Variants in SLC7A14 observed in about 807,000 individuals in gnomAD.
SLC7A14 encodes the protein solute carrier family 7 member 14.
In SLC7A14, 37 loss-of-function variants were observed where a neutral mutation model predicts 60.2. That is an observed-to-expected ratio of 0.61 (90% CI 0.47 to 0.81). The LOEUF is 0.81. Among genes scored for constraint, SLC7A14 ranks in the 30% least tolerant of loss-of-function variants. SLC7A14 has a pLI of 0.00. For missense variants in SLC7A14, 886 were observed against 982.7 expected, an observed-to-expected ratio of 0.90 and a Z score of 1.32; for synonymous variants, 399 against 395.8, an observed-to-expected ratio of 1.01 and a Z score of -0.10.
chr3:170,581,749 T>C (rs940041233), intron 1 of SLC7A14, among the ~76,000 whole-genome samples: 4 of 152,196 alleles, frequency 2.6e-5, no homozygotes, highest in African/African-American at 9.6e-5. Flanking sequence ...ACCTACACTT[T>C]GAGTTTTACA....
rs1001372603 is a variant in SLC7A14 at position 170,495,794 on chromosome 3, G to T, written c.759+2873C>A. 25 of 1,140,852 alleles carry T rather than the reference G, an allele frequency of 2.2e-5. No individual in the cohort carries two copies. The African/African-American group carries it at 3.8e-4, about 17-fold the overall frequency. The allele number at this position is 1,140,852 out of a possible 1,614,324, so 70.7% of individuals were successfully genotyped here. On this transcript the variant is annotated intron_variant, in intron 4 of 7. Coordinates refer to ENST00000231706, the MANE Select transcript of SLC7A14 (RefSeq NM_020949.3). ...GGTTCCTGCAGCAGTAGAACAAGAT[G>T]CTGGAGACCAAGTGGAGCCTCCTGC...
intron 4 of SLC7A14, among the ~76,000 whole-genome samples, chr3:170,496,902 T>A (rs1712416671): frequency 1.3e-5 from 2 of 152,050 alleles, no homozygotes; most frequent in South Asian, 2.1e-4. Context: ...CGGCAGTCCC[T>A]CCCAGCCTGC....
chr3:170,482,735 CA>C (rs1711874286), intron 6 of SLC7A14, among the ~76,000 whole-genome samples: 1 of 152,318 alleles, frequency 6.6e-6, no homozygotes, highest in Admixed American at 6.5e-5. Context: ...AATTTTGTTT[CA>C]CCTCTCTGAG....
At position 170,480,651 on chromosome 3, in the gene SLC7A14, A is replaced by T; in HGVS notation, c.1631T>A (p.Met544Lys). The T allele has an allele frequency of 6.2e-7, 1 of 1,614,252 alleles. No homozygotes were observed. Residue 544 changes from methionine (M) to lysine (K), a missense_variant, in exon 7 of 8, where the codon ATG becomes AAG. Met to Lys is a moderately conservative substitution (Grantham distance 95). Coordinates refer to ENST00000231706, the MANE Select transcript of SLC7A14 (RefSeq NM_020949.3). ...KKLIGPHYYTMRIRLGLPGKM... is the reference protein window; with the variant it reads ...KKLIGPHYYTKRIRLGLPGKM... ...GCCTGGAAGGCCCAGCCGGATTCTC[A>T]TGGTGTAATAATGAGGCCCAATCAG...
chr3:170,483,931 T>G (rs926502877), intron 5 of SLC7A14, among the ~76,000 whole-genome samples: 34 of 152,290 alleles, frequency 2.2e-4, no homozygotes, highest in Non-Finnish European at 8.8e-5. Flanking sequence ...TGGACAAGAC[T>G]CTCATTTCTC....
chr3:170,513,302 G>A (rs181526821), intron 2 of SLC7A14, among the ~76,000 whole-genome samples: 10 of 152,088 alleles, frequency 6.6e-5, no homozygotes, highest in Admixed American at 2.0e-4. Context: ...AAAGGAGCAG[G>A]TGTTTGTATC....
Position 170,535,481 on chromosome 3 carries a change from G to C in SLC7A14, c.-152-8393C>G, listed in dbSNP as rs1713810786. 6.6e-6 allele frequency among the ~76,000 whole-genome samples: 1 copy of C among 152,168 alleles called. No individual in the cohort carries two copies. Among genetic ancestry groups the C allele is most frequent in the Non-Finnish European group, 1.5e-5 (1 of 68,038 alleles). On this transcript the variant is annotated intron_variant, in intron 1 of 7. Transcript: ENST00000231706. This position sits in a 1 kb window ranked among gnomAD's most constrained non-coding sequence, Gnocchi z 4.3. Reference sequence around the variant, plus strand: ...ATAAAATAAATTATTGTAATCTACAGAATATCAGGAATTTAGGCACAAGGC... The same window carrying C: ...ATAAAATAAATTATTGTAATCTACACAATATCAGGAATTTAGGCACAAGGC...
intron 7 of SLC7A14, among the ~76,000 whole-genome samples, chr3:170,477,098 G>A (rs921275664): frequency 6.6e-6 from 1 of 152,260 alleles, no homozygotes; most frequent in East Asian, 1.9e-4. Context: ...GATGCTATGT[G>A]TTAGGCTCTA....
At chr3:170,575,147 C>G (rs1280448124) in intron 1 of SLC7A14, among the ~76,000 whole-genome samples, 1 of 152,058 alleles carries the variant, frequency 6.6e-6, no homozygotes, top group Non-Finnish European at 1.5e-5. Context: ...AAAATTCAAC[C>G]CTGTTACAAA....
Position 170,486,256 on chromosome 3 carries a change from G to T in SLC7A14, c.872C>A (p.Ala291Asp), listed in dbSNP as rs780254142. 1 of 1,614,168 alleles carries T rather than the reference G, an allele frequency of 6.2e-7. No individual in the cohort carries two copies. Among genetic ancestry groups the T allele is most frequent in the Non-Finnish European group, 8.5e-7 (1 of 1,180,028 alleles). Residue 291 changes from alanine (A) to aspartate (D), a missense_variant, in exon 5 of 8, where the codon GCC becomes GAC. By Grantham distance (126) the Ala-to-Asp change is moderately radical. Transcript: ENST00000231706. The part of the protein sequence containing the change: ...PNTSIPYAIT[A>D]SLVICLTAYV... ...TGCTGTCAGGCAGATGACCAGGGAG[G>T]CAGTGATAGCATAAGGGATGGACGT... is the stretch of plus-strand genomic sequence containing the variant.
In SLC7A14 at chr3:170,558,534, G is replaced by A. The variant is rs1337897784; in HGVS notation, c.-153+27377C>T. ...TAACTACTTAAACTCCCTTTCAGGA[G>A]TACAATTCTCAAGTTCACAATCCCC... On this transcript the variant is annotated intron_variant, in intron 1 of 7. Transcript: ENST00000231706. 2.7e-5 allele frequency among the ~76,000 whole-genome samples: 4 copies of A among 150,018 alleles called. No individual in the cohort carries two copies. In the East Asian group the frequency reaches 7.7e-4, roughly 29 times the overall value.
intron 2 of SLC7A14, among the ~76,000 whole-genome samples, chr3:170,512,048 C>T (rs1204035157): frequency 1.3e-5 from 2 of 152,212 alleles, no homozygotes; most frequent in African/African-American, 2.4e-5. Flanking sequence ...CAACAATTCT[C>T]TCCTACCCGA....
At chr3:170,538,265 A>T (rs1451357502) in intron 1 of SLC7A14, among the ~76,000 whole-genome samples, 1 of 152,070 alleles carries the variant, frequency 6.6e-6, no homozygotes, top group Admixed American at 6.6e-5. Flanking sequence ...CTGGGTTTGG[A>T]GCTTATATCT....
chr3:170,559,465 A>G (rs906043681), intron 1 of SLC7A14, among the ~76,000 whole-genome samples: 5 of 152,232 alleles, frequency 3.3e-5, no homozygotes, highest in Non-Finnish European at 7.3e-5. Flanking sequence ...TAACACACTT[A>G]CTATTATAAT....
In SLC7A14 at chr3:170,505,342, C is replaced by T. The variant is rs146591285; in HGVS notation, c.305-3997G>A. The stretch of plus-strand genomic sequence containing the variant: ...TCTACAAATGACTGCAAACAACTGA[C>T]GACTTCGTTGCGTCTCCTAATGTAC... On this transcript the variant is annotated intron_variant, in intron 2 of 7. Coordinates refer to ENST00000231706, the MANE Select transcript of SLC7A14 (RefSeq NM_020949.3). 4.5e-3 allele frequency among the ~76,000 whole-genome samples: 681 copies of T among 152,326 alleles called. 9 individuals are homozygous for T. The highest frequency in any genetic ancestry group is 0.015 in the African/African-American group (629 of 41,576).
At chr3:170,495,920 G>T in intron 4 of SLC7A14, 2 of 1,439,590 alleles carry the variant, frequency 1.4e-6, no homozygotes, top group South Asian at 1.1e-5. Context: ...AGCTGGAGGC[G>T]GAGCTTGGCA....
At chr3:170,507,958 G>A (rs1441062073) in intron 2 of SLC7A14, among the ~76,000 whole-genome samples, 1 of 152,180 alleles carries the variant, frequency 6.6e-6, no homozygotes, top group African/African-American at 2.4e-5. Context: ...TTGCTCATCA[G>A]AGTTGTTCTT....
At chr3:170,478,737 A>C (rs183355664) in intron 7 of SLC7A14, among the ~76,000 whole-genome samples, 2 of 152,268 alleles carry the variant, frequency 1.3e-5, no homozygotes, top group East Asian at 3.9e-4. Context: ...TTTTGAGCAC[A>C]TACTGCGGGC....
chr3:170,558,822 G>T lies in SLC7A14; in HGVS notation c.-153+27089C>A, dbSNP rs980425324. ...ACTCTTTTGCTGGCTATAAATGTTA[G>T]GTTATACTATAAAAATGGCTTGTTT... On this transcript the variant is annotated intron_variant, in intron 1 of 7. Transcript: ENST00000231706. Among the ~76,000 whole-genome samples the T allele has an allele frequency of 8.5e-5, 13 of 152,266 alleles. No homozygotes were observed. The South Asian group carries it at 2.7e-3, about 32-fold the overall frequency.
Sources: gnomAD v4.1 joint callset for allele counts (sites outside exome capture counted in the v4.1 genomes callset) on GRCh38, gnomAD v4.1.1 for gene constraint, Gnocchi (gnomAD v3.1) non-coding constraint, MANE v1.5 for transcripts, NCBI Gene and HGNC (gene_info 2026-07-23, HGNC 2026-07-21) for gene names.